PLCH1: variants seen among roughly 807,000 people sequenced by gnomAD.
PLCH1 encodes the protein 1-phosphatidylinositol 4,5-bisphosphate phosphodiesterase eta-1.
In PLCH1, 60 loss-of-function variants were observed where a neutral mutation model predicts 126.7. The observed-to-expected ratio is 0.47, with a 90% confidence interval of 0.38 to 0.59. PLCH1 has a LOEUF of 0.59. PLCH1 is among the 20% of genes least tolerant of loss of function. The probability of loss-of-function intolerance (pLI) is 0.00; values close to 1 mark genes in which losing one functional copy is unlikely to be tolerated. For synonymous variants in PLCH1, 719 were observed against 734.9 expected (o/e 0.98, Z 0.35); for missense variants, 1,723 against 2,040.0 (o/e 0.84, Z 2.99).
At chr3:155,565,148 G>C in intron 7 of PLCH1, 30 bp from the exon 8 acceptor site, 1 of 1,480,098 alleles carries the variant, frequency 6.8e-7, no homozygotes, top group Non-Finnish European at 9.4e-7. Flanking sequence ...ACTTACTACA[G>C]CTTTCAAAGC....
chr3:155,593,376 C>T (rs1346701081), intron 4 of PLCH1, among the ~76,000 whole-genome samples: 1 of 152,164 alleles, frequency 6.6e-6, no homozygotes, highest in East Asian at 1.9e-4. Flanking sequence ...TCCAGTTTCT[C>T]AAGCAATTAA....
intron 2 of PLCH1, among the ~76,000 whole-genome samples, chr3:155,625,574 A>G (rs1169642789): frequency 6.6e-6 from 1 of 152,264 alleles, no homozygotes; most frequent in Non-Finnish European, 1.5e-5. Context: ...AAGGATATTA[A>G]CAGACACTTC....
intron 2 of PLCH1, among the ~76,000 whole-genome samples, chr3:155,653,913 G>T (rs1273860406): frequency 6.6e-6 from 1 of 151,724 alleles, no homozygotes; most frequent in Non-Finnish European, 1.5e-5. Context: ...CCTCCCTAGT[G>T]ACCACTCCAT....
At chr3:155,490,034 T>C (rs1286000879) in intron 19 of PLCH1, among the ~76,000 whole-genome samples, 1 of 152,242 alleles carries the variant, frequency 6.6e-6, no homozygotes, top group Non-Finnish European at 1.5e-5. Context: ...TTTCTTTCTG[T>C]GTACATGTTT....
intron 7 of PLCH1, among the ~76,000 whole-genome samples, chr3:155,565,699 TTTA>T (rs144040297): frequency 0.45 from 64,242 of 141,352 alleles, 15,269 homozygotes; most frequent in Non-Finnish European, 0.58. Context: ...ATTTTATTTA[TTTA>T]TTTTTTTTTT....
At chr3:155,681,121 T>G (rs1383902600) in intron 2 of PLCH1, among the ~76,000 whole-genome samples, 1 of 152,232 alleles carries the variant, frequency 6.6e-6, no homozygotes, top group Non-Finnish European at 1.5e-5. Context: ...TACTTTCTTC[T>G]TTATATGTTA....
chr3:155,738,881 G>A (rs1749416224), intron 1 of PLCH1, among the ~76,000 whole-genome samples: 1 of 151,964 alleles, frequency 6.6e-6, no homozygotes, highest in South Asian at 2.1e-4. Flanking sequence ...AGCCCTGGAG[G>A]TGGAGGCTGC....
intron 8 of PLCH1, among the ~76,000 whole-genome samples, chr3:155,556,394 T>C (rs1423193150): frequency 1.3e-5 from 2 of 152,214 alleles, no homozygotes; most frequent in Admixed American, 1.3e-4. Flanking sequence ...GACCACACAG[T>C]TGTGAACCAC....
chr3:155,532,541 G>A (rs1403129463), intron 10 of PLCH1, among the ~76,000 whole-genome samples: 1 of 152,088 alleles, frequency 6.6e-6, no homozygotes, highest in African/African-American at 2.4e-5. Flanking sequence ...TTGGACTATG[G>A]GGGCAGATAC....
chr3:155,496,878 T>C (rs1381589367), intron 15 of PLCH1, among the ~76,000 whole-genome samples: 1 of 152,228 alleles, frequency 6.6e-6, no homozygotes, highest in Non-Finnish European at 1.5e-5. Flanking sequence ...TTAAGCTATT[T>C]TCACCCAAGT....
chr3:155,566,125 A>ATATATACATATATATGTG (rs1456576581), intron 7 of PLCH1, among the ~76,000 whole-genome samples: 1 of 137,310 alleles, frequency 7.3e-6, no homozygotes, highest in Non-Finnish European at 1.5e-5. Context: ...ATATATATGT[A>ATATATACATATATATGTG]TATATACATA....
intron 21 of PLCH1, among the ~76,000 whole-genome samples, chr3:155,455,961 T>C (rs1255223429): frequency 6.6e-6 from 1 of 152,226 alleles, no homozygotes; most frequent in Non-Finnish European, 1.5e-5. Context: ...AGCTGGAACA[T>C]GCACGCCCAT....
At chr3:155,592,351 G>A (rs1202172318) in intron 4 of PLCH1, among the ~76,000 whole-genome samples, 1 of 149,132 alleles carries the variant, frequency 6.7e-6, no homozygotes, top group East Asian at 2.0e-4. Context: ...AAAAATTAGC[G>A]GGGCATGGTG....
At chr3:155,698,632 AT>A (rs1441988041) in intron 2 of PLCH1, among the ~76,000 whole-genome samples, 2 of 152,188 alleles carry the variant, frequency 1.3e-5, no homozygotes, top group African/African-American at 4.8e-5. Flanking sequence ...CTTAGAGGTC[AT>A]TTTCCATAAA....
chr3:155,454,372 A>G (rs1712388039), intron 21 of PLCH1, among the ~76,000 whole-genome samples: 1 of 152,152 alleles, frequency 6.6e-6, no homozygotes, highest in African/African-American at 2.4e-5. Context: ...TAGTGGTGCT[A>G]CTTGGGGGAC....
chr3:155,504,416 T>C (rs1045929127), intron 13 of PLCH1, 139 bp downstream of exon 13: 9 of 555,542 alleles, frequency 1.6e-5, no homozygotes, highest in African/African-American at 1.5e-4. Context: ...TAAAGTAGTT[T>C]AAATATCAAT....
chr3:155,610,930 T>A (rs754856574), intron 2 of PLCH1, among the ~76,000 whole-genome samples: 7 of 152,110 alleles, frequency 4.6e-5, no homozygotes, highest in East Asian at 3.8e-4. Context: ...GCAGAATGAA[T>A]AAAAATCCAC....
intron 2 of PLCH1, among the ~76,000 whole-genome samples, chr3:155,703,643 A>C (rs1004653903): frequency 1.3e-5 from 2 of 152,208 alleles, no homozygotes; most frequent in African/African-American, 4.8e-5. Flanking sequence ...ATGGGACATA[A>C]TATATAGATA....
At chr3:155,486,509 GTTTGTTTTTTT>G (rs987322021) in intron 21 of PLCH1, among the ~76,000 whole-genome samples, 9 of 130,760 alleles carry the variant, frequency 6.9e-5, no homozygotes, top group African/African-American at 2.6e-4. Context: ...TCTGGCTCAA[GTTTGTTTTTTT>G]TTTTTTTTTT....
Sources: allele counts gnomAD v4.1 joint callset (sites outside exome capture counted in the v4.1 genomes callset), GRCh38; gene constraint gnomAD v4.1.1; transcripts MANE v1.5; gene names NCBI Gene and HGNC (gene_info 2026-07-23, HGNC 2026-07-21).